Variants in PRRC2C observed in about 807,000 individuals in gnomAD.
PRRC2C encodes protein PRRC2C.
Under a neutral mutation model 317.2 loss-of-function variants are expected in PRRC2C, and 72 were observed. The ratio of observed to expected loss-of-function variants is 0.23; its 90% CI spans 0.19 to 0.28. PRRC2C has a LOEUF of 0.28. Among genes scored for constraint, PRRC2C ranks in the 10% least tolerant of loss-of-function variants. PRRC2C has a pLI of 1.00. For synonymous variants in PRRC2C, 1,296 were observed against 1,205.9 expected, an observed-to-expected ratio of 1.07 and a Z score of -1.55; for missense variants, 3,074 against 3,459.7, an observed-to-expected ratio of 0.89 and a Z score of 2.80.
rs1196083803 is a variant in PRRC2C, at chr1:171,574,970, G to A, written c.6797G>A (p.Arg2266Lys). 5.6e-6 allele frequency: 9 copies of A among 1,613,762 alleles called. 1 individual carries two copies. The highest frequency in any genetic ancestry group is 6.8e-6 in the Non-Finnish European group (8 of 1,179,866). Reference protein sequence around the residue: ...RKAWENSPNVREKGSPVTSTA... With the variant: ...RKAWENSPNVKEKGSPVTSTA... ...GCATGGGAGAATTCTCCAAATGTAA[G>A]GGAAAAGGGGTCTCCAGTAACTTCC... The change falls in exon 25 of 35, where the codon AGG becomes AAG. Residue 2266 changes from arginine (R) to lysine (K), a missense_variant. Coordinates refer to ENST00000647382, the MANE Select transcript of PRRC2C (RefSeq NM_001387844.1).
intron 1 of PRRC2C, among the ~76,000 whole-genome samples, chr1:171,487,586 G>A (rs1333246550): frequency 6.6e-6 from 1 of 152,062 alleles, no homozygotes; most frequent in Non-Finnish European, 1.5e-5. Flanking sequence ...CTACCATGTC[G>A]TAGATATAAT....
chr1:171,553,045 C>G (rs990143971), intron 18 of PRRC2C, among the ~76,000 whole-genome samples: 1 of 152,132 alleles, frequency 6.6e-6, no homozygotes, highest in African/African-American at 2.4e-5. Flanking sequence ...GGTACCGGCT[C>G]CTCTTTGTAC....
At chr1:171,577,683 T>G in intron 26 of PRRC2C, 46 bp downstream of exon 26, 1 of 1,540,250 alleles carries the variant, frequency 6.5e-7, no homozygotes, top group East Asian at 2.3e-5. Flanking sequence ...AAATGAAGAC[T>G]TACTAAAATG....
intron 17 of PRRC2C, among the ~76,000 whole-genome samples, chr1:171,548,018 T>C (rs1409711362): frequency 6.6e-6 from 1 of 151,110 alleles, no homozygotes; most frequent in Non-Finnish European, 1.5e-5. Context: ...CAAGCTGGAG[T>C]ACAGTGGCGT....
chr1:171,526,558 G>A (rs1674599723), intron 10 of PRRC2C, among the ~76,000 whole-genome samples: 1 of 151,670 alleles, frequency 6.6e-6, no homozygotes, highest in Non-Finnish European at 1.5e-5. Context: ...GGCTGGTCTT[G>A]AACTCCTGGC....
In PRRC2C at chr1:171,583,945, T is replaced by C; in HGVS notation, c.7410-11T>C. 6.2e-7 allele frequency: 1 copy of C among 1,600,772 alleles called. No homozygotes were observed. The highest frequency in any genetic ancestry group is 2.2e-5 in the East Asian group (1 of 44,808). On this transcript the variant is annotated splice_polypyrimidine_tract_variant and intron_variant, in intron 28 of 34. Coordinates refer to ENST00000647382, the MANE Select transcript of PRRC2C (RefSeq NM_001387844.1). The stretch of plus-strand genomic sequence containing the variant: ...ACTTCTAACAATATTTTCTCTTTAA[T>C]CCTTATGTAGATCTCAGCCAGCTTT...
rs1468710871 is a variant in PRRC2C at position 171,527,811 on chromosome 1, T to C, written c.1221T>C (p.His407=). The C allele has an allele frequency of 1.3e-6, 2 of 1,582,554 alleles. No individual in the cohort carries two copies. The highest frequency in any genetic ancestry group is 4.6e-5 in the East Asian group (2 of 43,428). ...AATAGGAACGTGGAACATCTTCACA[T>C]CTGCCACCACCTCCAAAGTTGCTTG... ...SFNQERGTSS[H]LPPPPKLLAQ... The change falls in exon 11 of 35, where the codon CAT becomes CAC. Residue 407 remains histidine, a synonymous_variant. Coordinates refer to ENST00000647382, the MANE Select transcript of PRRC2C (RefSeq NM_001387844.1).
chr1:171,583,058 C>T (rs10913285), intron 28 of PRRC2C, among the ~76,000 whole-genome samples: 18,747 of 152,088 alleles, frequency 0.12, 1,219 homozygotes, highest in East Asian at 0.21. Flanking sequence ...CTCACTACCT[C>T]GAACTCCTGA....
intron 18 of PRRC2C, 150 bp from the exon 19 acceptor site, chr1:171,557,090 A>G (rs918603146): frequency 7.3e-6 from 10 of 1,369,246 alleles, no homozygotes; most frequent in Non-Finnish European, 9.6e-6. Context: ...ATCATTCAAA[A>G]TCTTATTAGC....
chr1:171,519,745 G>A (rs1167913642), intron 6 of PRRC2C, among the ~76,000 whole-genome samples: 1 of 152,028 alleles, frequency 6.6e-6, no homozygotes, highest in East Asian at 1.9e-4. Context: ...TTAGTTTGTT[G>A]TTTAACTCCT....
At chr1:171,495,461 G>T (rs1401312497) in intron 1 of PRRC2C, among the ~76,000 whole-genome samples, 1 of 152,136 alleles carries the variant, frequency 6.6e-6, no homozygotes, top group Non-Finnish European at 1.5e-5. Context: ...TATTGACATG[G>T]AAAAGGACAG....
intron 1 of PRRC2C, among the ~76,000 whole-genome samples, chr1:171,491,807 C>T (rs1571536222): frequency 6.6e-6 from 1 of 152,064 alleles, no homozygotes; most frequent in South Asian, 2.1e-4. Flanking sequence ...TAAAACAATA[C>T]TTAACACAAT....
intron 1 of PRRC2C, among the ~76,000 whole-genome samples, chr1:171,496,452 C>G (rs533438882): frequency 1.3e-5 from 2 of 152,074 alleles, no homozygotes; most frequent in Non-Finnish European, 2.9e-5. Context: ...ATCCACCTGC[C>G]TTGGCCTCCC....
Position 171,561,114 on chromosome 1 carries a change from G to A in PRRC2C, c.6117+11G>A, listed in dbSNP as rs750444781. 4 of 1,556,816 alleles carry A rather than the reference G, an allele frequency of 2.6e-6. No homozygotes were observed. The African/African-American group carries it at 4.1e-5, about 16-fold the overall frequency. ...GCTCCTTCATCAGAGGTAAGAATAG[G>A]CTTTTAACAGCATAGGTGTGCTGGA... On this transcript the variant is annotated intron_variant, in intron 20 of 34. Transcript: ENST00000647382.
At chr1:171,526,803 A>ATTTTTTTTTTTT (rs1557918055) in intron 10 of PRRC2C, among the ~76,000 whole-genome samples, 8 of 85,784 alleles carry the variant, frequency 9.3e-5, no homozygotes, top group African/African-American at 3.3e-4. Context: ...TCAGAAATAT[A>ATTTTTTTTTTTT]TCTTTTTTTT....
intron 3 of PRRC2C, 47 bp downstream of exon 3, chr1:171,513,219 A>G (rs926805294): frequency 1.9e-6 from 3 of 1,545,228 alleles, no homozygotes; most frequent in Admixed American, 2.0e-5. Context: ...CTTTCTTTGT[A>G]GGGAACTTAT....
At chr1:171,519,884 T>C (rs772632100) in intron 6 of PRRC2C, among the ~76,000 whole-genome samples, 10 of 152,284 alleles carry the variant, frequency 6.6e-5, no homozygotes, top group South Asian at 4.1e-4. Context: ...CTTCTCTGTA[T>C]TGTTCCAATT....
chr1:171,548,777 A>G lies in PRRC2C; in HGVS notation c.4973-1309A>G, dbSNP rs147425389. Among the ~76,000 whole-genome samples the G allele has an allele frequency of 4.6e-5, 7 of 152,366 alleles. No individual in the cohort carries two copies. The East Asian group carries it at 5.8e-4, about 13-fold the overall frequency. On this transcript the variant is annotated intron_variant, in intron 17 of 34. Coordinates refer to ENST00000647382, the MANE Select transcript of PRRC2C (RefSeq NM_001387844.1). ...AATGATCTTGAGTTGTTCATCACCT[A>G]GATGATTCTGGTATGTGTTCACCTA...
At position 171,585,992 on chromosome 1, in the gene PRRC2C, A is replaced by G. The variant is rs1304843312; in HGVS notation, c.7750-1011A>G. On this transcript the variant is annotated intron_variant, in intron 30 of 34. Coordinates refer to ENST00000647382, the MANE Select transcript of PRRC2C (RefSeq NM_001387844.1). ...TGAAGGTAATTTTAAGCAACATTTT[A>G]AATAACTTTGTGCATGAAACAGAAG... Among the ~76,000 whole-genome samples the G allele has an allele frequency of 2.0e-5, 3 of 151,330 alleles. No homozygotes were observed. The East Asian group carries it at 5.8e-4, about 29-fold the overall frequency.
Sources: gnomAD v4.1 joint callset for allele counts (sites outside exome capture counted in the v4.1 genomes callset) on GRCh38, gnomAD v4.1.1 for gene constraint, MANE v1.5 for transcripts, NCBI Gene and HGNC (gene_info 2026-07-23, HGNC 2026-07-21) for gene names.